The following MARCHF1 variants were observed in gnomAD, a reference collection of about 807,000 sequenced individuals.
MARCHF1 encodes the protein membrane associated ring-CH-type finger 1, also known as E3 ubiquitin-protein ligase MARCHF1.
MARCHF1 carries 40 observed loss-of-function variants against 54.2 expected under a neutral mutation model. The observed-to-expected ratio is 0.74, with a 90% CI of 0.57 to 0.96. MARCHF1 has a LOEUF of 0.96. MARCHF1 is among the 40% of genes least tolerant of loss of function. The pLI is 0.00. For synonymous variants in MARCHF1, 236 were observed against 236.3 expected (o/e 1.00, Z 0.01); for missense variants, 586 against 656.5 (o/e 0.89, Z 1.17).
intron 1 of MARCHF1, among the ~76,000 whole-genome samples, chr4:164,122,675 TTC>T (rs1350809443): frequency 3.9e-5 from 6 of 152,024 alleles, no homozygotes; most frequent in African/African-American, 1.4e-4. Flanking sequence ...AGAGAGCTGT[TTC>T]TCTTTCTCTT....
intron 1 of MARCHF1, among the ~76,000 whole-genome samples, chr4:164,138,974 T>C (rs1487498011): frequency 6.6e-6 from 1 of 152,212 alleles, no homozygotes; most frequent in Non-Finnish European, 1.5e-5. Context: ...ATTTTAGTTA[T>C]CTCATTCTAA....
intron 4 of MARCHF1, among the ~76,000 whole-genome samples, chr4:163,753,543 G>T (rs964122239): frequency 1.3e-5 from 2 of 152,002 alleles, no homozygotes; most frequent in Admixed American, 1.3e-4. Flanking sequence ...CCTGGGATGG[G>T]GGGTGAGAGA....
intron 3 of MARCHF1, among the ~76,000 whole-genome samples, chr4:163,864,029 T>C (rs998806476): frequency 6.6e-6 from 1 of 151,868 alleles, no homozygotes; most frequent in Non-Finnish European, 1.5e-5. Flanking sequence ...TAATGAATGA[T>C]TGAATAAAGA....
At chr4:164,215,400 G>GTGTC (rs1009435545) in intron 1 of MARCHF1, among the ~76,000 whole-genome samples, 19 of 152,130 alleles carry the variant, frequency 1.2e-4, no homozygotes, top group African/African-American at 4.6e-4. Flanking sequence ...AACTGCTTGT[G>GTGTC]TGTCTGCCTG....
intron 3 of MARCHF1, among the ~76,000 whole-genome samples, chr4:163,975,183 C>A (rs1184694365): frequency 1.5e-5 from 2 of 137,874 alleles, no homozygotes; most frequent in African/African-American, 3.2e-5. Flanking sequence ...CTCTCTCTCT[C>A]TCTCTCTCTC....
chr4:164,351,132 T>C (rs1456412208), intron 1 of MARCHF1, among the ~76,000 whole-genome samples: 2 of 152,160 alleles, frequency 1.3e-5, no homozygotes, highest in Non-Finnish European at 1.5e-5. Context: ...ATCTCGCTGA[T>C]TGCTAGCACA....
chr4:164,326,992 T>TGTGG (rs1239609504), intron 1 of MARCHF1, among the ~76,000 whole-genome samples: 4 of 150,592 alleles, frequency 2.7e-5, no homozygotes, highest in Admixed American at 2.6e-4. Flanking sequence ...TGTGTGTGTG[T>TGTGG]GTGTGTGTAT....
intron 4 of MARCHF1, among the ~76,000 whole-genome samples, chr4:163,840,359 TTGAA>T (rs1267151960): frequency 6.6e-6 from 1 of 152,112 alleles, no homozygotes; most frequent in African/African-American, 2.4e-5. Context: ...GGCAGATGAT[TTGAA>T]TGAAACACTT....
intron 2 of MARCHF1, among the ~76,000 whole-genome samples, chr4:164,034,378 A>G (rs901432175): frequency 6.6e-6 from 1 of 152,192 alleles, no homozygotes; most frequent in African/African-American, 2.4e-5. Flanking sequence ...TGGTGGGAAT[A>G]TATATTAGTA....
chr4:163,725,553 A>G (rs1372047558), intron 4 of MARCHF1, among the ~76,000 whole-genome samples: 1 of 152,188 alleles, frequency 6.6e-6, no homozygotes, highest in African/African-American at 2.4e-5. Flanking sequence ...TAATATAGAA[A>G]GTAATGAATT....
intron 2 of MARCHF1, among the ~76,000 whole-genome samples, chr4:164,057,121 C>T (rs1176074131): frequency 6.6e-6 from 1 of 152,140 alleles, no homozygotes; most frequent in African/African-American, 2.4e-5. Context: ...AACAAAAGAG[C>T]ATTTTTCTTG....
At chr4:163,885,631 A>G (rs542092106) in intron 3 of MARCHF1, among the ~76,000 whole-genome samples, 1 of 152,244 alleles carries the variant, frequency 6.6e-6, no homozygotes, top group Admixed American at 6.5e-5. Flanking sequence ...ATGATTGTAT[A>G]AAGTCATCAC....
intron 4 of MARCHF1, among the ~76,000 whole-genome samples, chr4:163,809,271 T>C (rs1748317062): frequency 1.3e-5 from 2 of 152,200 alleles, no homozygotes; most frequent in African/African-American, 4.8e-5. Flanking sequence ...AATAGCTTAC[T>C]AATAGTAAGA....
intron 3 of MARCHF1, among the ~76,000 whole-genome samples, chr4:163,959,854 G>A (rs1443242910): frequency 6.6e-6 from 1 of 151,834 alleles, no homozygotes; most frequent in Non-Finnish European, 1.5e-5. Context: ...CACAGCAAAA[G>A]AAACTATTAA....
chr4:164,264,155 C>T (rs9685312), intron 1 of MARCHF1, among the ~76,000 whole-genome samples: 18,016 of 152,076 alleles, frequency 0.12, 1,682 homozygotes, highest in African/African-American at 0.26. Context: ...TGGAATACTA[C>T]GCCGCCATTA....
intron 1 of MARCHF1, among the ~76,000 whole-genome samples, chr4:164,153,486 A>C (rs1729998043): frequency 6.6e-6 from 1 of 152,104 alleles, no homozygotes; most frequent in Admixed American, 6.5e-5. Flanking sequence ...TCACTCACAC[A>C]ATAGCACCTG....
chr4:163,541,329 A>G (rs1291456733), intron 9 of MARCHF1, among the ~76,000 whole-genome samples: 1 of 152,094 alleles, frequency 6.6e-6, no homozygotes, highest in Non-Finnish European at 1.5e-5. Context: ...TACTATCTAC[A>G]CCTACAGTCT....
intron 5 of MARCHF1, among the ~76,000 whole-genome samples, chr4:163,687,561 G>A (rs1350789392): frequency 2.0e-5 from 3 of 152,042 alleles, no homozygotes; most frequent in Non-Finnish European, 4.4e-5. Flanking sequence ...GGCCTGTGAT[G>A]AACCAAAAAG....
At chr4:163,922,012 A>G (rs994851779) in intron 3 of MARCHF1, among the ~76,000 whole-genome samples, 2 of 152,216 alleles carry the variant, frequency 1.3e-5, no homozygotes, top group Non-Finnish European at 2.9e-5. Flanking sequence ...AATGTGGCAC[A>G]TACACACCAT....
Sources: allele counts gnomAD v4.1 joint callset (sites outside exome capture counted in the v4.1 genomes callset), GRCh38; gene constraint gnomAD v4.1.1; transcripts MANE v1.5; gene names NCBI Gene and HGNC (gene_info 2026-07-23, HGNC 2026-07-21).